PALM2AKAP2: variants seen among roughly 807,000 people sequenced by gnomAD.
The protein encoded by PALM2AKAP2 is PALM2-AKAP2 fusion protein.
PALM2AKAP2 carries 37 observed loss-of-function variants against 71.5 expected under a neutral mutation model. The ratio of observed to expected loss-of-function variants is 0.52; its 90% CI spans 0.40 to 0.68. PALM2AKAP2 has a LOEUF of 0.68. Ranked by LOEUF, PALM2AKAP2 falls within the 30% of genes least tolerant of loss-of-function variation. The pLI, the probability that PALM2AKAP2 is intolerant of heterozygous loss-of-function variation, is 0.00. For missense variants in PALM2AKAP2, 1,224 were observed against 1,191.8 expected, an observed-to-expected ratio of 1.03 and a Z score of -0.40; for synonymous variants, 468 against 478.8, an observed-to-expected ratio of 0.98 and a Z score of 0.29.
At chr9:109,710,987 G>C (rs1432069293) in intron 1 of PALM2AKAP2, among the ~76,000 whole-genome samples, 1 of 152,146 alleles carries the variant, frequency 6.6e-6, no homozygotes, top group Non-Finnish European at 1.5e-5. Flanking sequence ...TCTGTTTGTA[G>C]CACTACATGC....
At chr9:110,087,759 G>A (rs767276529) in intron 1 of PALM2AKAP2, among the ~76,000 whole-genome samples, 8 of 152,232 alleles carry the variant, frequency 5.3e-5, no homozygotes, top group Non-Finnish European at 7.3e-5. Context: ...CCATAGGCCA[G>A]TTACTGTTCT....
At chr9:109,977,526 C>T (rs1240442505) in intron 6 of PALM2AKAP2, among the ~76,000 whole-genome samples, 1 of 152,192 alleles carries the variant, frequency 6.6e-6, no homozygotes. Context: ...TGAGAAGGAT[C>T]ATGTGTTTCC....
At chr9:109,931,325 C>T (rs1831096282) in intron 5 of PALM2AKAP2, among the ~76,000 whole-genome samples, 1 of 152,172 alleles carries the variant, frequency 6.6e-6, no homozygotes, top group South Asian at 2.1e-4. Flanking sequence ...GGGGTATTGT[C>T]ATTTAGAATC....
At chr9:109,771,625 C>G (rs532176968) in intron 1 of PALM2AKAP2, among the ~76,000 whole-genome samples, 1 of 152,318 alleles carries the variant, frequency 6.6e-6, no homozygotes, top group East Asian at 1.9e-4. Context: ...GTCTTCAATT[C>G]TAACAGAGAA....
At chr9:110,022,200 C>T (rs1375611408) in intron 7 of PALM2AKAP2, among the ~76,000 whole-genome samples, 6 of 152,246 alleles carry the variant, frequency 3.9e-5, no homozygotes, top group East Asian at 1.9e-4. Context: ...CCTCTTTATC[C>T]GGTCTACTTG....
exon 2 of PALM2AKAP2, chr9:110,138,457 A>G (rs1368756532): frequency 1.9e-6 from 3 of 1,614,092 alleles, no homozygotes; most frequent in Non-Finnish European, 2.5e-6. Flanking sequence ...AGAGGCAGAG[A>G]CAAGTCTTGC....
At chr9:109,957,723 C>G (rs552161348) in intron 6 of PALM2AKAP2, among the ~76,000 whole-genome samples, 2 of 152,290 alleles carry the variant, frequency 1.3e-5, no homozygotes, top group South Asian at 4.1e-4. Context: ...GTATTAGAAC[C>G]TGGGACATTT....
intron 1 of PALM2AKAP2, among the ~76,000 whole-genome samples, chr9:110,087,724 T>C (rs566949698): frequency 1.3e-5 from 2 of 152,328 alleles, no homozygotes; most frequent in South Asian, 4.1e-4. Flanking sequence ...ATTCATTGAC[T>C]CAACAAATAT....
At chr9:109,769,718 A>G (rs1829226255) in intron 1 of PALM2AKAP2, among the ~76,000 whole-genome samples, 1 of 152,218 alleles carries the variant, frequency 6.6e-6, no homozygotes, top group Non-Finnish European at 1.5e-5. Context: ...TGATGTGGAC[A>G]AACCGTTTTA....
At chr9:110,022,811 G>A (rs1833097911) in intron 7 of PALM2AKAP2, among the ~76,000 whole-genome samples, 1 of 151,532 alleles carries the variant, frequency 6.6e-6, no homozygotes, top group South Asian at 2.1e-4. Flanking sequence ...TCCCACCTAT[G>A]AGTGAGAACA....
At chr9:110,137,447 G>A (rs750878916) in exon 2 of PALM2AKAP2, 3 of 1,614,078 alleles carry the variant, frequency 1.9e-6, no homozygotes, top group Non-Finnish European at 2.5e-6. Context: ...ATCGGCAGCA[G>A]GAAGCCAGGG....
chr9:109,882,319 G>A (rs181798673), intron 3 of PALM2AKAP2, among the ~76,000 whole-genome samples: 9 of 152,332 alleles, frequency 5.9e-5, no homozygotes, highest in South Asian at 2.1e-4. Flanking sequence ...AAAGGCATAC[G>A]TCAGCCTATG....
chr9:110,077,017 T>G (rs1834338836), intron 1 of PALM2AKAP2, among the ~76,000 whole-genome samples: 1 of 152,196 alleles, frequency 6.6e-6, no homozygotes, highest in Non-Finnish European at 1.5e-5. Flanking sequence ...ACAATTCCAG[T>G]AGGCCTTTTA....
intron 1 of PALM2AKAP2, among the ~76,000 whole-genome samples, chr9:109,745,143 A>T (rs1828778535): frequency 6.6e-6 from 1 of 152,128 alleles, no homozygotes; most frequent in African/African-American, 2.4e-5. Flanking sequence ...TCAGGTCCAG[A>T]TCATTTAGAC....
intron 1 of PALM2AKAP2, among the ~76,000 whole-genome samples, chr9:110,084,076 G>A (rs1035355736): frequency 6.6e-6 from 1 of 152,242 alleles, no homozygotes; most frequent in African/African-American, 2.4e-5. Flanking sequence ...GTAAGGTGGA[G>A]TTGATAGAAT....
chr9:110,006,324 C>CTCTCTCTTTCTT (rs1554736919), intron 6 of PALM2AKAP2, among the ~76,000 whole-genome samples: 1 of 102,214 alleles, frequency 9.8e-6, no homozygotes, highest in African/African-American at 3.9e-5. Flanking sequence ...TTCCTTCCTT[C>CTCTCTCTTTCTT]TCTTTCTTTC....
At chr9:109,831,009 T>C (rs1039410808) in intron 1 of PALM2AKAP2, among the ~76,000 whole-genome samples, 4 of 151,980 alleles carry the variant, frequency 2.6e-5, no homozygotes, top group Admixed American at 2.6e-4. Context: ...GGATTATAAG[T>C]TTTTGAGTCC....
At chr9:110,082,211 C>T (rs1254324974) in intron 1 of PALM2AKAP2, among the ~76,000 whole-genome samples, 1 of 152,078 alleles carries the variant, frequency 6.6e-6, no homozygotes, top group Admixed American at 6.5e-5. Flanking sequence ...AGTGTGCCAC[C>T]ACACCCGACT....
rs1185965530 is a variant in PALM2AKAP2, at chr9:109,691,833, G to GATATATAT, written c.5+50995_5+51002dup. ...TATCAATTTTCCAATCCAGAAAGAC[G>GATATATAT]ATATATATATATATATATATATATA... On this transcript the variant is annotated intron_variant, in intron 1 of 6. Coordinates refer to the PALM2AKAP2 transcript ENST00000374531. Among the ~76,000 whole-genome samples, 277 of 35,920 alleles carry GATATATAT rather than the reference G, an allele frequency of 7.7e-3. 5 individuals are homozygous for GATATATAT. Among genetic ancestry groups the GATATATAT allele is most frequent in the Middle Eastern group, 0.026 (1 of 38 alleles). The allele number at this position is 35,920 out of a possible 152,430, so 23.6% of individuals were successfully genotyped here.
Sources: allele counts gnomAD v4.1 joint callset (sites outside exome capture counted in the v4.1 genomes callset), GRCh38; gene constraint gnomAD v4.1.1; transcripts MANE v1.5; gene names NCBI Gene and HGNC (gene_info 2026-07-23, HGNC 2026-07-21).